The following ZAP70 variants were observed in gnomAD, a reference collection of about 807,000 sequenced individuals.
ZAP70 encodes zeta chain of T cell receptor associated protein kinase 70.
Under a neutral mutation model 65.8 loss-of-function variants are expected in ZAP70, and 27 were observed. The observed-to-expected ratio is 0.41, with a 90% CI of 0.30 to 0.57. The LOEUF is 0.57. Among genes scored for constraint, ZAP70 ranks in the 20% least tolerant of loss-of-function variants. The probability of loss-of-function intolerance (pLI) is 0.28; values close to 1 mark genes in which losing one functional copy is unlikely to be tolerated. For synonymous variants in ZAP70, 363 were observed against 360.8 expected, an observed-to-expected ratio of 1.01 and a Z score of -0.07; for missense variants, 696 against 870.5, an observed-to-expected ratio of 0.80 and a Z score of 2.52.
intron 2 of ZAP70, among the ~76,000 whole-genome samples, chr2:97,716,855 C>G (rs1676937488): frequency 6.6e-6 from 1 of 152,154 alleles, no homozygotes; most frequent in Non-Finnish European, 1.5e-5. Context: ...CAGCAAGTCT[C>G]ACCCCAGGGA....
At chr2:97,738,560 T>A in intron 13 of ZAP70, 1 of 242,348 alleles carries the variant, frequency 4.1e-6, no homozygotes, top group Non-Finnish European at 8.3e-6. Flanking sequence ...CACCTCTGCC[T>A]GGTTGAAGCC....
downstream of ZAP70, among the ~76,000 whole-genome samples, chr2:97,741,502 C>T (rs1050202669): frequency 3.4e-4 from 52 of 151,948 alleles, no homozygotes; most frequent in African/African-American, 9.7e-4. Flanking sequence ...GAAAGCTCCC[C>T]GTCCCCCCCA....
At position 97,725,098 on chromosome 2, in the gene ZAP70, G is replaced by A. The variant is rs754563357; in HGVS notation, c.409G>A (p.Ala137Thr). The change falls in exon 4 of 14, where the codon GCC becomes ACC. Residue 137 changes from alanine to threonine, a missense_variant. By Grantham distance (58) the Ala-to-Thr change is moderately conservative (BLOSUM62 0). Around this residue, in one of 3 missense-constraint regions of ZAP70, gnomAD observed 551 missense variants for 630.0 expected, o/e 0.87. Transcript: ENST00000264972. ...VRQTWKLEGE[A>T]LEQAIISQAP... ...CTCGCCTCTCCTTTTCTAGGGCGAG[G>A]CCCTGGAGCAGGCCATCATCAGCCA... 6.2e-7 allele frequency: 1 copy of A among 1,614,074 alleles called. No homozygotes were observed. The highest frequency in any genetic ancestry group is 2.2e-5 in the East Asian group (1 of 44,874).
At chr2:97,738,224 A>G (rs1677993391) in intron 13 of ZAP70, 117 bp downstream of exon 13, 1 of 1,070,080 alleles carries the variant, frequency 9.3e-7, no homozygotes, top group South Asian at 1.4e-5. Context: ...CCCTTCACCC[A>G]GTTCATAGCC....
the ZAP70 span, among the ~76,000 whole-genome samples, chr2:97,748,681 G>A: frequency 6.6e-6 from 1 of 152,194 alleles, no homozygotes; most frequent in Non-Finnish European, 1.5e-5. Flanking sequence ...CTAGCTGGGC[G>A]GGGTTCCCTC....
Position 97,736,657 on chromosome 2 carries a change from C to G in ZAP70, c.1290-816C>G, listed in dbSNP as rs571921238. Among the ~76,000 whole-genome samples, 1 of 152,126 alleles carries G rather than the reference C, an allele frequency of 6.6e-6. No individual in the cohort carries two copies. The highest frequency in any genetic ancestry group is 1.9e-4 in the East Asian group (1 of 5,190). The stretch of plus-strand genomic sequence containing the variant: ...GTGTTGGGGTGCGAGGTGCAGTGAG[C>G]AGGGAGGTTTGAACAAACTGAGGGA... On this transcript the variant is annotated intron_variant, in intron 10 of 13. Coordinates refer to ENST00000264972, the MANE Select transcript of ZAP70 (RefSeq NM_001079.4). The surrounding 1 kb of genome is among the most constrained non-coding windows in gnomAD (Gnocchi z 4.0).
At chr2:97,717,469 T>TGAGCCTCTGGCTGGGGTGACATGTG (rs1676981761) in intron 2 of ZAP70, among the ~76,000 whole-genome samples, 5 of 144,950 alleles carry the variant, frequency 3.4e-5, no homozygotes, top group African/African-American at 1.0e-4. Flanking sequence ...GAGGAGCCTC[T>TGAGCCTCTGGCTGGGGTGACATGTG]GAGCCTCTGG....
chr2:97,721,019 A>G (rs1251637622), intron 2 of ZAP70, among the ~76,000 whole-genome samples: 1 of 152,218 alleles, frequency 6.6e-6, no homozygotes, highest in Non-Finnish European at 1.5e-5. Flanking sequence ...CAATTCTCCA[A>G]TGCAAACTTA....
the ZAP70 span, among the ~76,000 whole-genome samples, chr2:97,751,536 C>T: frequency 6.6e-6 from 1 of 152,282 alleles, no homozygotes; most frequent in South Asian, 2.1e-4. Flanking sequence ...TCCATTAGTT[C>T]TGTTTTTCTA....
At position 97,738,041 on chromosome 2, in the gene ZAP70, G is replaced by A. The variant is rs201606579; in HGVS notation, c.1670G>A (p.Arg557Gln). ...EVMAFIEQGK[R>Q]MECPPECPPE... The stretch of plus-strand genomic sequence containing the variant: ...ATGGCCTTCATCGAGCAGGGCAAGC[G>A]GATGGAGTGCCCACCAGAGTGTCCA... Residue 557 changes from arginine to glutamine, a missense_variant, in exon 13 of 14, where the codon CGG becomes CAG. Around this residue, in one of 3 missense-constraint regions of ZAP70, gnomAD observed 78 missense variants for 88.6 expected, o/e 0.88. Coordinates refer to ENST00000264972, the MANE Select transcript of ZAP70 (RefSeq NM_001079.4). 5 of 1,612,768 alleles carry A rather than the reference G, an allele frequency of 3.1e-6. No homozygotes were observed. The highest frequency in any genetic ancestry group is 2.2e-5 in the East Asian group (1 of 44,848).
chr2:97,752,088 A>ACT, the ZAP70 span, among the ~76,000 whole-genome samples: 78,715 of 151,920 alleles, frequency 0.52, 21,047 homozygotes, highest in African/African-American at 0.59. Flanking sequence ...ACTTTTTGTC[A>ACT]CTCTGGCAGG....
Position 97,730,321 on chromosome 2 carries a change from G to A in ZAP70, c.564-2562G>A, listed in dbSNP as rs527570478. Reference sequence around the variant, plus strand: ...TAATTTGGGCTGAGTTCAGCTGGGTGCCTCTTCTGCTGGGTTTTTGAGCTT... The same window carrying A: ...TAATTTGGGCTGAGTTCAGCTGGGTACCTCTTCTGCTGGGTTTTTGAGCTT... On this transcript the variant is annotated intron_variant, in intron 4 of 13. Transcript: ENST00000264972. Among the ~76,000 whole-genome samples the A allele has an allele frequency of 5.9e-5, 9 of 152,318 alleles. No homozygotes were observed. In the South Asian group the frequency reaches 1.9e-3, roughly 32 times the overall value.
the ZAP70 span, among the ~76,000 whole-genome samples, chr2:97,755,048 G>C: frequency 6.6e-6 from 1 of 152,178 alleles, no homozygotes; most frequent in Admixed American, 6.5e-5. Flanking sequence ...CCTTCATGGG[G>C]ATAGTTTTGA....
In ZAP70 at chr2:97,737,453, C is replaced by G. The variant is rs767067866; in HGVS notation, c.1290-20C>G. 1.2e-6 allele frequency: 2 copies of G among 1,613,668 alleles called. No individual in the cohort carries two copies. Among genetic ancestry groups the G allele is most frequent in the African/African-American group, 2.7e-5 (2 of 74,892 alleles). Reference sequence around the variant, plus strand: ...TGGCTAGTCTTCTCCCAGCTGACCCCGCCTTCCCCGCCACCCCAGGGAGGA... The same window carrying G: ...TGGCTAGTCTTCTCCCAGCTGACCCGGCCTTCCCCGCCACCCCAGGGAGGA... On this transcript the variant is annotated intron_variant, in intron 10 of 13. Transcript: ENST00000264972. This position sits in a 1 kb window ranked among gnomAD's most constrained non-coding sequence, Gnocchi z 5.0.
rs908569672 is a variant in ZAP70, at chr2:97,736,980, G to C, written c.1290-493G>C. Among the ~76,000 whole-genome samples, 1 of 152,124 alleles carries C rather than the reference G, an allele frequency of 6.6e-6. No individual in the cohort carries two copies. The highest frequency in any genetic ancestry group is 6.5e-5 in the Admixed American group (1 of 15,278). On this transcript the variant is annotated intron_variant, in intron 10 of 13. Coordinates refer to ENST00000264972, the MANE Select transcript of ZAP70 (RefSeq NM_001079.4). This position sits in a 1 kb window ranked among gnomAD's most constrained non-coding sequence, Gnocchi z 4.0. ...CTGACTATTCCTGCCTGGGGGTCCA[G>C]GTGAGTGATGCTGCGGCTGCTTCCC...
chr2:97,719,643 A>G (rs901728721), intron 2 of ZAP70, among the ~76,000 whole-genome samples: 107 of 151,634 alleles, frequency 7.1e-4, no homozygotes, highest in East Asian at 3.9e-4. Flanking sequence ...CACTTTTCCT[A>G]TTTTCATTAG....
intron 2 of ZAP70, among the ~76,000 whole-genome samples, chr2:97,719,101 G>T (rs557789885): frequency 1.3e-5 from 2 of 152,276 alleles, no homozygotes; most frequent in African/African-American, 4.8e-5. Flanking sequence ...AATTGCCAAG[G>T]AGCAACTTGC....
At chr2:97,749,354 G>C in the ZAP70 span, among the ~76,000 whole-genome samples, 1 of 152,200 alleles carries the variant, frequency 6.6e-6, no homozygotes, top group Non-Finnish European at 1.5e-5. Flanking sequence ...AGCACGCATA[G>C]TGCGCTGTCT....
At chr2:97,735,547 G>C in intron 10 of ZAP70, 91 bp downstream of exon 10, 1 of 1,453,214 alleles carries the variant, frequency 6.9e-7, no homozygotes. Context: ...TGCGTGTGTG[G>C]GAAGCCGGGG....
Sources: gnomAD v4.1 joint callset for allele counts (sites outside exome capture counted in the v4.1 genomes callset) on GRCh38, gnomAD v4.1.1 for gene constraint, gnomAD v4.1.1 regional missense constraint, Gnocchi (gnomAD v3.1) non-coding constraint, MANE v1.5 for transcripts, NCBI Gene and HGNC (gene_info 2026-07-23, HGNC 2026-07-21) for gene names.